SYNJ2: variants seen among roughly 807,000 people sequenced by gnomAD.
SYNJ2 encodes the protein synaptojanin 2.
SYNJ2 carries 116 observed loss-of-function variants against 141.3 expected under a neutral mutation model. The observed-to-expected ratio is 0.82, with a 90% confidence interval of 0.71 to 0.96. The LOEUF (loss-of-function observed/expected upper bound fraction) is 0.96, where lower values mean the gene tolerates loss of function less well. Among genes scored for constraint, SYNJ2 ranks in the 40% least tolerant of loss-of-function variants. The pLI, the probability that SYNJ2 is intolerant of heterozygous loss-of-function variation, is 0.00. For synonymous variants in SYNJ2, 745 were observed against 777.7 expected, an observed-to-expected ratio of 0.96 and a Z score of 0.70; for missense variants, 1,873 against 1,934.8, an observed-to-expected ratio of 0.97 and a Z score of 0.60.
intron 1 of SYNJ2, among the ~76,000 whole-genome samples, chr6:157,993,797 GTTTTT>G (rs61529071): frequency 0.01 from 491 of 47,530 alleles, no homozygotes; most frequent in Non-Finnish European, 0.014. Flanking sequence ...AAATGTGTGG[GTTTTT>G]TTTTTTTTTT....
chr6:157,982,060 G>A lies in SYNJ2; in HGVS notation c.99G>A (p.Leu33=). The change falls in exon 1 of 27, where the codon CTG becomes CTA. Residue 33 remains leucine, a synonymous_variant. Coordinates refer to ENST00000355585, the MANE Select transcript of SYNJ2 (RefSeq NM_003898.4). This position sits in a 1 kb window ranked among gnomAD's most constrained non-coding sequence, Gnocchi z 4.0. The stretch of plus-strand genomic sequence containing the variant: ...CGCGCGGCCGCGACGACTGCCTGCT[G>A]TTCGAGGCCGGCACGGTGGCCACGC... ...LEARGRDDCL[L]FEAGTVATLA... The A allele has an allele frequency of 2.2e-6, 3 of 1,338,936 alleles. No individual in the cohort carries two copies. Among genetic ancestry groups the A allele is most frequent in the Non-Finnish European group, 1.9e-6 (2 of 1,046,802 alleles). The allele number at this position is 1,338,936 out of a possible 1,614,324, so 82.9% of individuals were successfully genotyped here.
chr6:157,981,944 G>A lies in SYNJ2; in HGVS notation c.-18G>A. ...GAGGACGTGGCCCCGGCCCCCGCCC[G>A]CAGTGGGCCCGACCCTCATGGCCCT... On this transcript the variant is annotated 5_prime_UTR_variant, in exon 1 of 27. Coordinates refer to ENST00000355585, the MANE Select transcript of SYNJ2 (RefSeq NM_003898.4). This position sits in a 1 kb window ranked among gnomAD's most constrained non-coding sequence, Gnocchi z 6.4. 12 of 1,226,874 alleles carry A rather than the reference G, an allele frequency of 9.8e-6. No individual in the cohort carries two copies. The highest frequency in any genetic ancestry group is 1.2e-5 in the Non-Finnish European group (12 of 984,334). The allele number at this position is 1,226,874 out of a possible 1,614,324, so 76.0% of individuals were successfully genotyped here. A position where few individuals can be genotyped will look rare whatever the true frequency, so the allele number is the denominator to read the frequency against.
At chr6:158,090,143 C>T (rs1040146528) in intron 25 of SYNJ2, among the ~76,000 whole-genome samples, 196 bp downstream of exon 25, 1 of 152,092 alleles carries the variant, frequency 6.6e-6, no homozygotes, top group Non-Finnish European at 1.5e-5. Flanking sequence ...TTTCAAAATT[C>T]TGTGTGTATA....
intron 16 of SYNJ2, among the ~76,000 whole-genome samples, chr6:158,075,224 G>GC (rs1392106941): frequency 4.6e-5 from 7 of 151,314 alleles, no homozygotes; most frequent in African/African-American, 9.7e-5. Context: ...GAGCCACCAT[G>GC]CCCGGTCAAC....
In SYNJ2 at chr6:158,084,291, A is replaced by T; in HGVS notation, c.3208+117A>T. ...ATATCAAGTATGCAGGTCCCAGGAGAGACCTCAACCAGGCAGGCCAAGCGA... is the reference window on the plus strand; with the variant it reads ...ATATCAAGTATGCAGGTCCCAGGAGTGACCTCAACCAGGCAGGCCAAGCGA... On this transcript the variant is annotated intron_variant, in intron 22 of 26. Coordinates refer to ENST00000355585, the MANE Select transcript of SYNJ2 (RefSeq NM_003898.4). This position sits in a 1 kb window ranked among gnomAD's most constrained non-coding sequence, Gnocchi z 5.0. 8.1e-7 allele frequency: 1 copy of T among 1,229,902 alleles called. No homozygotes were observed. Among genetic ancestry groups the T allele is most frequent in the Non-Finnish European group, 1.1e-6 (1 of 889,164 alleles). The allele number at this position is 1,229,902 out of a possible 1,614,324, so 76.2% of individuals were successfully genotyped here. A position where few individuals can be genotyped will look rare whatever the true frequency, so the allele number is the denominator to read the frequency against.
chr6:158,070,365 C>T lies in SYNJ2; in HGVS notation c.1940+692C>T, dbSNP rs1781843281. 11 of 985,480 alleles carry T rather than the reference C, an allele frequency of 1.1e-5. No individual in the cohort carries two copies. Among genetic ancestry groups the T allele is most frequent in the South Asian group, 9.4e-5 (2 of 21,284 alleles). 61.0% of individuals were successfully genotyped at this position (985,480 alleles called of 1,614,324 possible). On this transcript the variant is annotated intron_variant, in intron 14 of 26. Coordinates refer to ENST00000355585, the MANE Select transcript of SYNJ2 (RefSeq NM_003898.4). The surrounding 1 kb of genome is among the most constrained non-coding windows in gnomAD (Gnocchi z 4.0). ...GGGCCTGTGCCTGCCAAGAGCACCA[C>T]GGGTACACCCCTGCAGCACCTGGAG...
chr6:158,070,749 GC>G lies in SYNJ2; in HGVS notation c.1941-852del, dbSNP rs1406363434. Among the ~76,000 whole-genome samples, 1 of 152,180 alleles carries G rather than the reference GC, an allele frequency of 6.6e-6. No homozygotes were observed. The highest frequency in any genetic ancestry group is 1.5e-5 in the Non-Finnish European group (1 of 68,040). ...TGGCTGTGGAAATGTTAACAAATGT[GC>G]TTGCAGCCCATGTTTCTATGGACTC... On this transcript the variant is annotated intron_variant, in intron 14 of 26. Transcript: ENST00000355585. This position sits in a 1 kb window ranked among gnomAD's most constrained non-coding sequence, Gnocchi z 4.0.
intron 1 of SYNJ2, among the ~76,000 whole-genome samples, chr6:157,985,907 G>T (rs140852066): frequency 6.6e-6 from 1 of 152,164 alleles, no homozygotes. Flanking sequence ...GGGGGGAAAG[G>T]TTCTGTGTAA....
chr6:157,984,083 G>A (rs1777111542), intron 1 of SYNJ2, among the ~76,000 whole-genome samples: 1 of 152,212 alleles, frequency 6.6e-6, no homozygotes, highest in East Asian at 1.9e-4. Context: ...TGATCTTTCC[G>A]CCTTGGTCTC....
At chr6:158,036,900 A>G (rs997709977) in intron 4 of SYNJ2, among the ~76,000 whole-genome samples, 1 of 152,102 alleles carries the variant, frequency 6.6e-6, no homozygotes, top group Non-Finnish European at 1.5e-5. Flanking sequence ...GCCCCACTTC[A>G]TTACCACTTG....
chr6:158,072,083 T>C (rs1028988276), intron 15 of SYNJ2, among the ~76,000 whole-genome samples: 1 of 152,258 alleles, frequency 6.6e-6, no homozygotes, highest in Non-Finnish European at 1.5e-5. Context: ...GATTTTCTAA[T>C]TCAAGTGATG....
At chr6:158,068,861 GA>G in intron 13 of SYNJ2, 133 bp downstream of exon 13, 1 of 902,888 alleles carries the variant, frequency 1.1e-6, no homozygotes, top group Non-Finnish European at 1.7e-6. Context: ...GCTGTGTGGG[GA>G]TCTCTCACCT....
At chr6:158,031,395 C>T (rs1021836938) in intron 3 of SYNJ2, among the ~76,000 whole-genome samples, 1 of 152,148 alleles carries the variant, frequency 6.6e-6, no homozygotes, top group Non-Finnish European at 1.5e-5. Context: ...AGGGGATTCA[C>T]GAGGTGGAGG....
Position 158,083,461 on chromosome 6 carries a change from G to A in SYNJ2, c.2898G>A (p.Lys966=), listed in dbSNP as rs1360330526. 3 of 1,614,088 alleles carry A rather than the reference G, an allele frequency of 1.9e-6. No homozygotes were observed. The Admixed American group carries it at 5.0e-5, about 27-fold the overall frequency. The change falls in exon 21 of 27, where the codon AAG becomes AAA. Residue 966 remains lysine (K), a synonymous_variant. Coordinates refer to ENST00000355585, the MANE Select transcript of SYNJ2 (RefSeq NM_003898.4). ...GCAGAGCAGTGAAGATTAGACCGAA[G>A]ACCAAGGACTGGCTGAAAGGTTTGC... The part of the protein sequence containing the change: ...VKGRAVKIRP[K]TKDWLKGLRE...
chr6:158,068,836 TA>T, intron 13 of SYNJ2, 108 bp downstream of exon 13: 1 of 1,196,846 alleles, frequency 8.4e-7, no homozygotes, highest in South Asian at 1.3e-5. Context: ...CTGAGCCAGC[TA>T]AGCTGTGGCC....
rs755050250 is a variant in SYNJ2 at position 158,071,558 on chromosome 6, TCTC to T, written c.1941-41_1941-39del. The T allele has an allele frequency of 2.7e-5, 43 of 1,584,262 alleles. No homozygotes were observed. The African/African-American group carries it at 4.6e-4, about 17-fold the overall frequency. On this transcript the variant is annotated intron_variant, in intron 14 of 26. Coordinates refer to ENST00000355585, the MANE Select transcript of SYNJ2 (RefSeq NM_003898.4). This position sits in a 1 kb window ranked among gnomAD's most constrained non-coding sequence, Gnocchi z 4.3. The stretch of plus-strand genomic sequence containing the variant: ...CTCTGTGGCAAAGCAGGGTCACACT[TCTC>T]CTTCAGGAGCCGACGGCATGCGCGT...
chr6:157,986,982 T>G (rs556821588), intron 1 of SYNJ2, among the ~76,000 whole-genome samples: 1 of 152,258 alleles, frequency 6.6e-6, no homozygotes, highest in African/African-American at 2.4e-5. Context: ...TTATTGTAAA[T>G]TGACAAATTA....
In SYNJ2 at chr6:158,016,931, G is replaced by A. The variant is rs941860527; in HGVS notation, c.128-273G>A. On this transcript the variant is annotated intron_variant, in intron 1 of 26. Coordinates refer to ENST00000355585, the MANE Select transcript of SYNJ2 (RefSeq NM_003898.4). ...AGGCCCCAGGTGCCTGCCCCCAGCT[G>A]GACGCCAGAACCCCAGGACCCCAGC... is the stretch of plus-strand genomic sequence containing the variant. 6 of 1,105,106 alleles carry A rather than the reference G, an allele frequency of 5.4e-6. No individual in the cohort carries two copies. In the Admixed American group the frequency reaches 1.3e-4, roughly 25 times the overall value. The allele number at this position is 1,105,106 out of a possible 1,614,324, so 68.5% of individuals were successfully genotyped here. A position where few individuals can be genotyped will look rare whatever the true frequency, so the allele number is the denominator to read the frequency against.
chr6:157,997,428 T>C (rs953197464), intron 1 of SYNJ2, among the ~76,000 whole-genome samples: 9 of 151,994 alleles, frequency 5.9e-5, no homozygotes, highest in Non-Finnish European at 1.2e-4. Context: ...GAGGGGAGAA[T>C]GTCATGTGAA....
Sources: gnomAD v4.1 joint callset for allele counts (sites outside exome capture counted in the v4.1 genomes callset) on GRCh38, gnomAD v4.1.1 for gene constraint, Gnocchi (gnomAD v3.1) non-coding constraint, MANE v1.5 for transcripts, NCBI Gene and HGNC (gene_info 2026-07-23, HGNC 2026-07-21) for gene names.